KSR2: variants seen among roughly 807,000 people sequenced by gnomAD.
KSR2 encodes the protein kinase suppressor of ras 2.
In KSR2, 25 loss-of-function variants were observed where a neutral mutation model predicts 107.8. That is an observed-to-expected ratio of 0.23 (90% CI 0.17 to 0.32). The LOEUF is 0.32. Among genes scored for constraint, KSR2 ranks in the 10% least tolerant of loss-of-function variants. The pLI is 1.00. For synonymous variants in KSR2, 480 were observed against 507.0 expected (o/e 0.95, Z 0.71); for missense variants, 887 against 1,268.9 (o/e 0.70, Z 4.57).
intron 4 of KSR2, among the ~76,000 whole-genome samples, chr12:117,704,583 G>T (rs1236873760): frequency 6.6e-6 from 1 of 152,146 alleles, no homozygotes; most frequent in African/African-American, 2.4e-5. Context: ...GAAGGGCCAG[G>T]TGCGGTGGCT....
chr12:117,848,300 G>T (rs1892772315), intron 3 of KSR2, among the ~76,000 whole-genome samples: 1 of 152,200 alleles, frequency 6.6e-6, no homozygotes, highest in Non-Finnish European at 1.5e-5. Flanking sequence ...CCCAGGACAG[G>T]AAGGTCTAGG....
chr12:117,731,344 C>T (rs1809023), intron 4 of KSR2, among the ~76,000 whole-genome samples: 9 of 137,130 alleles, frequency 6.6e-5, no homozygotes, highest in Admixed American at 5.6e-4. Flanking sequence ...AGGAGCCCCC[C>T]CGCCCAGCAG....
At chr12:117,733,168 A>G (rs1887799026) in intron 4 of KSR2, among the ~76,000 whole-genome samples, 2 of 152,192 alleles carry the variant, frequency 1.3e-5, no homozygotes, top group Admixed American at 1.3e-4. Flanking sequence ...GCTGAGAGCC[A>G]TTCTAGGGGG....
At chr12:117,844,125 A>T (rs889450774) in intron 3 of KSR2, among the ~76,000 whole-genome samples, 2 of 152,016 alleles carry the variant, frequency 1.3e-5, no homozygotes, top group South Asian at 2.1e-4. Context: ...CCTCCTTGGG[A>T]TGTGTGTTGT....
At chr12:117,699,162 T>C (rs1593144305) in intron 4 of KSR2, among the ~76,000 whole-genome samples, 2 of 152,332 alleles carry the variant, frequency 1.3e-5, no homozygotes, top group East Asian at 3.9e-4. Flanking sequence ...ACAGGGCCTT[T>C]GGATGATCTG....
chr12:117,769,162 A>G (rs1294538449), intron 3 of KSR2, among the ~76,000 whole-genome samples: 1 of 152,198 alleles, frequency 6.6e-6, no homozygotes, highest in Non-Finnish European at 1.5e-5. Context: ...ACTCCCCAGG[A>G]AGAAGTTATT....
In KSR2 at chr12:117,536,677, C is replaced by A. The variant is rs185213129; in HGVS notation, c.1687+3042G>T. 4.7e-5 allele frequency among the ~76,000 whole-genome samples: 7 copies of A among 148,272 alleles called. No homozygotes were observed. In the East Asian group the frequency reaches 1.4e-3, roughly 29 times the overall value. ...TCTACTTAAGAAACATTATGGATAT[C>A]TTTCCATGTCAGGAAATCTATATAG... On this transcript the variant is annotated intron_variant, in intron 10 of 19. Coordinates refer to ENST00000339824, the MANE Select transcript of KSR2 (RefSeq NM_173598.6).
At chr12:117,785,241 C>T (rs138349190) in intron 3 of KSR2, among the ~76,000 whole-genome samples, 2 of 151,506 alleles carry the variant, frequency 1.3e-5, no homozygotes, top group Non-Finnish European at 2.9e-5. Context: ...ATGGTGAAAC[C>T]CCATCTCTAC....
At chr12:117,745,580 G>C (rs1411162054) in intron 4 of KSR2, among the ~76,000 whole-genome samples, 7 of 152,166 alleles carry the variant, frequency 4.6e-5, no homozygotes, top group African/African-American at 1.7e-4. Flanking sequence ...GTTTTGGCCA[G>C]AGCAATCAGG....
chr12:117,784,234 A>G (rs745406760), intron 3 of KSR2, among the ~76,000 whole-genome samples: 18 of 152,026 alleles, frequency 1.2e-4, no homozygotes, highest in Admixed American at 1.1e-3. Context: ...CCAGGTGGAG[A>G]TGATTGAATC....
rs1337678970 is a variant in KSR2, at chr12:117,917,623, G to A, written c.180+50453C>T. The stretch of plus-strand genomic sequence containing the variant: ...AGTTGAAGAAACACCAGGGCATGGG[G>A]GGTAGGGGGCTATGTGTTGCCATGT... On this transcript the variant is annotated intron_variant, in intron 1 of 19. Coordinates refer to ENST00000339824, the MANE Select transcript of KSR2 (RefSeq NM_173598.6). Among the ~76,000 whole-genome samples, 11 of 152,166 alleles carry A rather than the reference G, an allele frequency of 7.2e-5. 1 individual carries two copies.
chr12:117,767,174 G>A lies in KSR2; in HGVS notation c.473-5650C>T, dbSNP rs553797649. ...CACGCCTGTAATCCCAGTACTTTGG[G>A]AGGCCGAGATGGGCGGATCACGAGG... On this transcript the variant is annotated intron_variant, in intron 3 of 19. Coordinates refer to ENST00000339824, the MANE Select transcript of KSR2 (RefSeq NM_173598.6). Among the ~76,000 whole-genome samples the A allele has an allele frequency of 2.2e-3, 337 of 151,786 alleles. 1 individual carries two copies. The highest frequency in any genetic ancestry group is 3.8e-3 in the Non-Finnish European group (257 of 67,904).
chr12:117,635,601 G>C (rs1883030180), intron 5 of KSR2, among the ~76,000 whole-genome samples: 1 of 152,092 alleles, frequency 6.6e-6, no homozygotes, highest in African/African-American at 2.4e-5. Flanking sequence ...ATAAAGAACA[G>C]AAAATATAAT....
intron 4 of KSR2, among the ~76,000 whole-genome samples, chr12:117,719,280 T>G (rs559443932): frequency 6.6e-6 from 1 of 152,252 alleles, no homozygotes; most frequent in East Asian, 1.9e-4. Flanking sequence ...CTGCAACCTC[T>G]ACCTCCCAGG....
intron 7 of KSR2, among the ~76,000 whole-genome samples, chr12:117,566,433 CT>C (rs1402943024): frequency 2.0e-5 from 3 of 152,174 alleles, no homozygotes. Flanking sequence ...CCCCCTCTTT[CT>C]GTCTATGTGT....
intron 4 of KSR2, among the ~76,000 whole-genome samples, chr12:117,713,418 G>T (rs1886867625): frequency 6.6e-6 from 1 of 152,158 alleles, no homozygotes. Flanking sequence ...GGGGAACTCT[G>T]ATACAGATAT....
At chr12:117,845,823 G>A (rs1252357959) in intron 3 of KSR2, among the ~76,000 whole-genome samples, 2 of 151,668 alleles carry the variant, frequency 1.3e-5, no homozygotes, top group African/African-American at 4.8e-5. Context: ...TGGGATTACA[G>A]GCACACACCA....
chr12:117,662,224 A>G (rs1356703385), intron 5 of KSR2, among the ~76,000 whole-genome samples: 3 of 152,154 alleles, frequency 2.0e-5, no homozygotes, highest in Non-Finnish European at 4.4e-5. Context: ...ACTGCTCAAA[A>G]TATCTTCCAA....
At chr12:117,591,197 A>T (rs1880292633) in intron 5 of KSR2, among the ~76,000 whole-genome samples, 1 of 152,202 alleles carries the variant, frequency 6.6e-6, no homozygotes, top group African/African-American at 2.4e-5. Flanking sequence ...ATGTCTCTAC[A>T]TGCAACTTCT....
Sources: allele counts gnomAD v4.1 joint callset (sites outside exome capture counted in the v4.1 genomes callset), GRCh38; gene constraint gnomAD v4.1.1; transcripts MANE v1.5; gene names NCBI Gene and HGNC (gene_info 2026-07-23, HGNC 2026-07-21).